The following PEX5L variants were observed in gnomAD, a reference collection of about 807,000 sequenced individuals.
The protein encoded by PEX5L is PEX5-related protein.
PEX5L carries 30 observed loss-of-function variants against 84.0 expected under a neutral mutation model. The observed-to-expected ratio is 0.36, with a 90% CI of 0.27 to 0.48. The LOEUF (loss-of-function observed/expected upper bound fraction) is 0.48, where lower values mean the gene tolerates loss of function less well. Among genes scored for constraint, PEX5L ranks in the 20% least tolerant of loss-of-function variants. The pLI is 0.99. For synonymous variants in PEX5L, 270 were observed against 283.1 expected (o/e 0.95, Z 0.46); for missense variants, 533 against 754.6 (o/e 0.71, Z 3.44).
chr3:180,021,521 A>C (rs1020321098), intron 1 of PEX5L, among the ~76,000 whole-genome samples: 2 of 152,204 alleles, frequency 1.3e-5, no homozygotes, highest in Admixed American at 6.5e-5. Flanking sequence ...GCACTTAGAA[A>C]CACTATTATA....
chr3:179,836,700 T>G (rs1414075403), intron 8 of PEX5L, among the ~76,000 whole-genome samples: 1 of 152,188 alleles, frequency 6.6e-6, no homozygotes, highest in African/African-American at 2.4e-5. Context: ...AAAAACCAAT[T>G]AGATCATTTA....
Position 179,839,303 on chromosome 3 carries a change from C to T in PEX5L, c.823-19327G>A, listed in dbSNP as rs376112875. Reference sequence around the variant, plus strand: ...GCTTTTATACTGTTTTCTTTAAATACACTGTAATTCAGCATCATATTTTTC... The same window carrying T: ...GCTTTTATACTGTTTTCTTTAAATATACTGTAATTCAGCATCATATTTTTC... On this transcript the variant is annotated intron_variant, in intron 8 of 14. Transcript: ENST00000467460. Among the ~76,000 whole-genome samples, 4 of 152,276 alleles carry T rather than the reference C, an allele frequency of 2.6e-5. No individual in the cohort carries two copies. In the South Asian group the frequency reaches 8.3e-4, roughly 32 times the overall value.
intron 2 of PEX5L, among the ~76,000 whole-genome samples, chr3:179,932,695 T>C (rs1013570978): frequency 5.9e-5 from 9 of 152,178 alleles, no homozygotes; most frequent in Middle Eastern, 3.2e-3. Context: ...ATACCTTTGA[T>C]GAAGTAATTC....
At chr3:179,892,403 C>A (rs145331465) in intron 3 of PEX5L, among the ~76,000 whole-genome samples, 2 of 152,130 alleles carry the variant, frequency 1.3e-5, no homozygotes, top group African/African-American at 4.8e-5. Flanking sequence ...CAGTGTCATA[C>A]TCTTAGTTTT....
Position 179,904,383 on chromosome 3 carries a change from AT to A in PEX5L, c.94-6138del, listed in dbSNP as rs1762428173. Among the ~76,000 whole-genome samples, 5 of 152,316 alleles carry A rather than the reference AT, an allele frequency of 3.3e-5. No individual in the cohort carries two copies. The South Asian group carries it at 1.0e-3, about 32-fold the overall frequency. On this transcript the variant is annotated intron_variant, in intron 2 of 14. Transcript: ENST00000467460. ...ACTATTTGTTTTACCCAGACTGGGA[AT>A]GTGATCAAGTGGGGGAAGGGAGCAG...
chr3:179,899,135 G>T (rs1429043017), intron 2 of PEX5L, among the ~76,000 whole-genome samples: 1 of 151,972 alleles, frequency 6.6e-6, no homozygotes, highest in Non-Finnish European at 1.5e-5. Context: ...GTGGCTTTCT[G>T]TTATTTGAGT....
intron 2 of PEX5L, among the ~76,000 whole-genome samples, chr3:179,915,385 TAAATA>T (rs1226829700): frequency 6.6e-6 from 1 of 152,118 alleles, no homozygotes; most frequent in Non-Finnish European, 1.5e-5. Flanking sequence ...GCATAGAGAT[TAAATA>T]AAATAAAAGA....
chr3:179,875,534 G>A (rs919034324), intron 5 of PEX5L, 57 bp from the exon 6 acceptor site: 2 of 1,354,220 alleles, frequency 1.5e-6, no homozygotes, highest in African/African-American at 1.4e-5. Context: ...GGTAGGGGGA[G>A]CGGTGGCGGG....
chr3:179,840,851 C>T (rs1379133076), intron 8 of PEX5L, among the ~76,000 whole-genome samples: 1 of 152,002 alleles, frequency 6.6e-6, no homozygotes, highest in Non-Finnish European at 1.5e-5. Context: ...ATCAAGAGCT[C>T]GCTTTTAGAT....
At chr3:179,839,874 GTTTGTT>G (rs1736392866) in intron 8 of PEX5L, among the ~76,000 whole-genome samples, 1 of 152,108 alleles carries the variant, frequency 6.6e-6, no homozygotes, top group Non-Finnish European at 1.5e-5. Context: ...GTTTGTTTTT[GTTTGTT>G]TTTAAGAAAA....
At chr3:179,917,333 CT>C (rs879717616) in intron 2 of PEX5L, among the ~76,000 whole-genome samples, 117 of 147,728 alleles carry the variant, frequency 7.9e-4, no homozygotes, top group South Asian at 2.1e-3. Context: ...TTACAGCTAA[CT>C]TTTTTTTTTT....
At chr3:179,965,666 G>A (rs1056048019) in intron 2 of PEX5L, among the ~76,000 whole-genome samples, 1 of 152,072 alleles carries the variant, frequency 6.6e-6, no homozygotes. Flanking sequence ...GTTTTTCCTA[G>A]AGTCCAGTGA....
At chr3:179,849,944 A>G (rs143944593) in intron 8 of PEX5L, among the ~76,000 whole-genome samples, 48 of 152,322 alleles carry the variant, frequency 3.2e-4, no homozygotes, top group African/African-American at 1.2e-3. Flanking sequence ...AGGTTTTGTT[A>G]GAATGGGTCA....
intron 11 of PEX5L, among the ~76,000 whole-genome samples, chr3:179,811,414 C>T (rs1411570813): frequency 6.6e-6 from 1 of 152,092 alleles, no homozygotes; most frequent in Non-Finnish European, 1.5e-5. Flanking sequence ...CCCACTGTTC[C>T]CATCCCTCCT....
chr3:179,979,090 G>T (rs75734293), intron 1 of PEX5L, among the ~76,000 whole-genome samples: 1 of 152,212 alleles, frequency 6.6e-6, no homozygotes, highest in East Asian at 1.9e-4. Flanking sequence ...TGCTTTAAGG[G>T]ACAGTACTTG....
intron 1 of PEX5L, among the ~76,000 whole-genome samples, chr3:180,004,363 C>A (rs1366893807): frequency 6.6e-6 from 1 of 152,078 alleles, no homozygotes; most frequent in Non-Finnish European, 1.5e-5. Flanking sequence ...TTATGGTAAG[C>A]ATTTGGTAAA....
At chr3:179,907,610 C>T (rs1384263127) in intron 2 of PEX5L, among the ~76,000 whole-genome samples, 3 of 152,064 alleles carry the variant, frequency 2.0e-5, no homozygotes, top group Non-Finnish European at 4.4e-5. Context: ...CATCATGTCT[C>T]GTCTTCCCTC....
chr3:179,955,432 G>A (rs1239442934), intron 2 of PEX5L, among the ~76,000 whole-genome samples: 3 of 66,728 alleles, frequency 4.5e-5, no homozygotes, highest in African/African-American at 2.2e-4. Context: ...GATGTTATGT[G>A]ACTTTTTTTT....
At chr3:180,016,468 T>C (rs1789957964) in intron 1 of PEX5L, among the ~76,000 whole-genome samples, 1 of 152,252 alleles carries the variant, frequency 6.6e-6, no homozygotes, top group South Asian at 2.1e-4. Flanking sequence ...TCTCTGCAAC[T>C]GACCTTTAAT....
Sources: gnomAD v4.1 joint callset for allele counts (sites outside exome capture counted in the v4.1 genomes callset) on GRCh38, gnomAD v4.1.1 for gene constraint, MANE v1.5 for transcripts, NCBI Gene and HGNC (gene_info 2026-07-23, HGNC 2026-07-21) for gene names.